Variants in KIF26B observed in about 807,000 individuals in gnomAD.
KIF26B encodes kinesin-like protein KIF26B.
KIF26B carries 63 observed loss-of-function variants against 151.2 expected under a neutral mutation model. The observed-to-expected ratio is 0.42, with a 90% CI of 0.34 to 0.51. The LOEUF is 0.51. Ranked by LOEUF, KIF26B falls within the 20% of genes least tolerant of loss-of-function variation. KIF26B has a pLI of 0.07. For synonymous variants in KIF26B, 1,357 were observed against 1,262.1 expected (o/e 1.08, Z -1.59); for missense variants, 2,813 against 2,913.6 (o/e 0.97, Z 0.79).
At chr1:245,404,422 C>T (rs1378994644) in intron 3 of KIF26B, among the ~76,000 whole-genome samples, 1 of 152,080 alleles carries the variant, frequency 6.6e-6, no homozygotes, top group Non-Finnish European at 1.5e-5. Flanking sequence ...GGCTGGGGAT[C>T]CCTGAGGTGT....
rs548311196 is a variant in KIF26B, at chr1:245,399,876, G to A, written c.1000-19703G>A. ...GAATTATTGAGATGATTTTTCAGAT[G>A]GTAACATTTAATCACAGAGAAGCTG... is the stretch of plus-strand genomic sequence containing the variant. On this transcript the variant is annotated intron_variant, in intron 3 of 14. Coordinates refer to ENST00000407071, the MANE Select transcript of KIF26B (RefSeq NM_018012.4). Among the ~76,000 whole-genome samples the A allele has an allele frequency of 3.7e-4, 57 of 152,134 alleles. 1 individual carries two copies. In the South Asian group the frequency reaches 0.011, roughly 29 times the overall value.
At chr1:245,373,549 C>T (rs756065940) in intron 3 of KIF26B, among the ~76,000 whole-genome samples, 50 of 152,054 alleles carry the variant, frequency 3.3e-4, no homozygotes, top group Non-Finnish European at 5.3e-4. Flanking sequence ...CATAGTGGAC[C>T]GTTGATGCAA....
intron 9 of KIF26B, among the ~76,000 whole-genome samples, chr1:245,642,431 G>C (rs764480577): frequency 4.6e-5 from 7 of 151,832 alleles, no homozygotes; most frequent in Non-Finnish European, 1.0e-4. Flanking sequence ...AGGGTGGCCG[G>C]GTGCCTGTAG....
Position 245,702,675 on chromosome 1 carries a change from C to A in KIF26B, c.*69C>A. On this transcript the variant is annotated 3_prime_UTR_variant, in exon 15 of 15. Transcript: ENST00000407071. The surrounding 1 kb of genome is among the most constrained non-coding windows in gnomAD (Gnocchi z 4.1). ...TTCAGAGATGTTGCACGCCCCTAGG[C>A]CCTCTGTGCTGGGGCATCAAAGACA... 2 of 1,523,322 alleles carry A rather than the reference C, an allele frequency of 1.3e-6. No individual in the cohort carries two copies. Among genetic ancestry groups the A allele is most frequent in the Non-Finnish European group, 1.8e-6 (2 of 1,121,146 alleles). The allele number at this position is 1,523,322 out of a possible 1,614,324, so 94.4% of individuals were successfully genotyped here.
chr1:245,527,182 C>T (rs1195665874), intron 4 of KIF26B, among the ~76,000 whole-genome samples: 2 of 152,150 alleles, frequency 1.3e-5, no homozygotes, highest in Non-Finnish European at 2.9e-5. Flanking sequence ...TAGATTCCTT[C>T]GATTCTTGAA....
chr1:245,234,821 A>G (rs1297176752), intron 2 of KIF26B, among the ~76,000 whole-genome samples: 1 of 152,196 alleles, frequency 6.6e-6, no homozygotes, highest in African/African-American at 2.4e-5. Flanking sequence ...CCTGCTATTA[A>G]GTGTTTCTAA....
chr1:245,408,420 T>C (rs994231260), intron 3 of KIF26B, among the ~76,000 whole-genome samples: 2 of 146,060 alleles, frequency 1.4e-5, no homozygotes, highest in Non-Finnish European at 3.0e-5. Context: ...AGTGGTGCGA[T>C]CTCAGCTCAC....
rs1403392406 is a variant in KIF26B at position 245,180,238 on chromosome 1, A to C, written c.465+23555A>C. ...TCCCCCATTTCTAAGAGTAGGAGAG[A>C]CTCATGTATCTTTCTCTTTGGGGTA... On this transcript the variant is annotated intron_variant, in intron 2 of 14. Coordinates refer to ENST00000407071, the MANE Select transcript of KIF26B (RefSeq NM_018012.4). Among the ~76,000 whole-genome samples the C allele has an allele frequency of 2.0e-5, 3 of 152,188 alleles. No individual in the cohort carries two copies. The East Asian group carries it at 5.8e-4, about 29-fold the overall frequency.
chr1:245,316,383 C>T (rs980129280), intron 2 of KIF26B, among the ~76,000 whole-genome samples: 1 of 152,106 alleles, frequency 6.6e-6, no homozygotes, highest in Non-Finnish European at 1.5e-5. Context: ...CTCGGTCTCC[C>T]AAAGTTCTGG....
At chr1:245,492,584 G>A (rs569352445) in intron 4 of KIF26B, among the ~76,000 whole-genome samples, 237 of 152,284 alleles carry the variant, frequency 1.6e-3, no homozygotes, top group Non-Finnish European at 2.8e-3. Flanking sequence ...GACTAAATAA[G>A]GCTACCATGG....
intron 10 of KIF26B, among the ~76,000 whole-genome samples, chr1:245,678,113 A>G (rs79465289): frequency 0.059 from 8,974 of 152,246 alleles, 666 homozygotes; most frequent in African/African-American, 0.17. Context: ...GTTGGCTGTA[A>G]ATAGGAAGGA....
rs1553299289 is a variant in KIF26B, at chr1:245,640,122, G to GCTCGCTCTCTCT, written c.2099-5996_2099-5995insGCTCTCTCTCTC. 3.3e-4 allele frequency among the ~76,000 whole-genome samples: 18 copies of GCTCGCTCTCTCT among 53,980 alleles called. 1 individual carries two copies. Among genetic ancestry groups the GCTCGCTCTCTCT allele is most frequent in the East Asian group, 8.8e-4 (1 of 1,136 alleles). The allele number at this position is 53,980 out of a possible 152,430, so 35.4% of individuals were successfully genotyped here. ...CTCCTGTTTAGATCTACTAATATTT[G>GCTCGCTCTCTCT]CTCTCTCTCTCTCTCTCTCTCTATA... On this transcript the variant is annotated intron_variant, in intron 9 of 14. Transcript: ENST00000407071.
At chr1:245,332,778 C>A (rs1403321490) in intron 2 of KIF26B, among the ~76,000 whole-genome samples, 1 of 152,194 alleles carries the variant, frequency 6.6e-6, no homozygotes, top group Non-Finnish European at 1.5e-5. Flanking sequence ...TCATAAGTTT[C>A]CAGTCTTTGG....
chr1:245,237,933 G>A (rs1271828320), intron 2 of KIF26B, among the ~76,000 whole-genome samples: 4 of 152,004 alleles, frequency 2.6e-5, no homozygotes, highest in African/African-American at 9.7e-5. Flanking sequence ...GGCTGAGATG[G>A]GAGGATCACT....
intron 2 of KIF26B, among the ~76,000 whole-genome samples, chr1:245,303,261 C>A (rs576441240): frequency 6.9e-6 from 1 of 144,030 alleles, no homozygotes; most frequent in African/African-American, 2.7e-5. Flanking sequence ...TGCAGTGGCG[C>A]GATCTCGGCT....
At chr1:245,226,471 T>C (rs58310320) in intron 2 of KIF26B, among the ~76,000 whole-genome samples, 2 of 151,954 alleles carry the variant, frequency 1.3e-5, no homozygotes, top group East Asian at 3.9e-4. Context: ...TTTTTTTTTG[T>C]TTTTTTGTAC....
Position 245,696,984 on chromosome 1 carries a change from G to A in KIF26B, c.5825-1122G>A, listed in dbSNP as rs184907758. ...AAATTAGCCGTGCGTGGTAGCGGGC[G>A]CCTGTAGTCCCAGCTACTTGGGAGG... On this transcript the variant is annotated intron_variant, in intron 12 of 14. Transcript: ENST00000407071. 2.9e-3 allele frequency among the ~76,000 whole-genome samples: 448 copies of A among 152,260 alleles called. 1 individual carries two copies. The highest frequency in any genetic ancestry group is 5.2e-3 in the Non-Finnish European group (356 of 68,016).
chr1:245,482,096 T>G (rs1163857188), intron 4 of KIF26B, among the ~76,000 whole-genome samples: 3 of 151,884 alleles, frequency 2.0e-5, no homozygotes, highest in South Asian at 4.2e-4. Context: ...TTTTTATTTA[T>G]TGACTTATTT....
chr1:245,452,773 C>T (rs754460130), intron 4 of KIF26B, among the ~76,000 whole-genome samples: 8 of 151,966 alleles, frequency 5.3e-5, no homozygotes, highest in Non-Finnish European at 8.8e-5. Context: ...TATTCAAATC[C>T]TTCGTCCATT....
Sources: gnomAD v4.1 joint callset for allele counts (sites outside exome capture counted in the v4.1 genomes callset) on GRCh38, gnomAD v4.1.1 for gene constraint, Gnocchi (gnomAD v3.1) non-coding constraint, MANE v1.5 for transcripts, NCBI Gene and HGNC (gene_info 2026-07-23, HGNC 2026-07-21) for gene names.